ARHGAP17: variants seen among roughly 807,000 people sequenced by gnomAD.
The protein encoded by ARHGAP17 is Rho GTPase activating protein 17.
Under a neutral mutation model 99.5 loss-of-function variants are expected in ARHGAP17, and 57 were observed. The ratio of observed to expected loss-of-function variants is 0.57; its 90% confidence interval spans 0.46 to 0.71. ARHGAP17 has a LOEUF of 0.71. Among genes scored for constraint, ARHGAP17 ranks in the 30% least tolerant of loss-of-function variants. The pLI is 0.00. For synonymous variants in ARHGAP17, 417 were observed against 429.6 expected (o/e 0.97, Z 0.36); for missense variants, 1,000 against 1,122.4 (o/e 0.89, Z 1.56).
intron 7 of ARHGAP17, among the ~76,000 whole-genome samples, chr16:24,961,865 T>TTAGG (rs953564642): frequency 1.3e-4 from 19 of 148,132 alleles, no homozygotes; most frequent in Middle Eastern, 3.5e-3. Context: ...GATTAGGCAA[T>TTAGG]TAGGTACGTA....
At chr16:24,968,533 TCA>T in intron 5 of ARHGAP17, 106 bp from the exon 6 acceptor site, 1 of 1,501,948 alleles carries the variant, frequency 6.7e-7, no homozygotes, top group Non-Finnish European at 9.2e-7. Context: ...TTTTGTACCT[TCA>T]ATTGACTCCC....
chr16:24,961,090 C>T (rs2051982428), intron 7 of ARHGAP17, among the ~76,000 whole-genome samples: 1 of 151,966 alleles, frequency 6.6e-6, no homozygotes, highest in Admixed American at 6.5e-5. Flanking sequence ...TCTCAAACTC[C>T]TGGCCTCAAG....
chr16:24,968,212 G>A, intron 6 of ARHGAP17, 139 bp downstream of exon 6: 1 of 831,910 alleles, frequency 1.2e-6, no homozygotes, highest in East Asian at 2.6e-5. Context: ...AGGCCTATAG[G>A]AGGTGCTGGC....
At chr16:24,968,834 T>A in intron 4 of ARHGAP17, 62 bp from the exon 5 acceptor site, 2 of 1,493,884 alleles carry the variant, frequency 1.3e-6, no homozygotes, top group Non-Finnish European at 1.9e-6. Context: ...TGGATTATCG[T>A]GTGGATCAGT....
At chr16:24,999,052 C>A (rs1175275728) in intron 1 of ARHGAP17, among the ~76,000 whole-genome samples, 2 of 152,208 alleles carry the variant, frequency 1.3e-5, no homozygotes, top group Non-Finnish European at 2.9e-5. Flanking sequence ...CAGGACACAG[C>A]CCCATCCACA....
chr16:24,954,760 C>T (rs371104050), intron 9 of ARHGAP17, 30 bp from the exon 10 acceptor site: 43 of 1,610,010 alleles, frequency 2.7e-5, no homozygotes, highest in Non-Finnish European at 3.5e-5. Context: ...AGTTAGACAC[C>T]CAACAAACTC....
At chr16:24,962,129 T>G (rs1178255258) in intron 7 of ARHGAP17, among the ~76,000 whole-genome samples, 1 of 151,332 alleles carries the variant, frequency 6.6e-6, no homozygotes, top group Non-Finnish European at 1.5e-5. Flanking sequence ...ATTCCTTGAT[T>G]CCCCTCAACC....
At chr16:24,959,792 G>C (rs1567231507) in intron 8 of ARHGAP17, 40 bp from the exon 9 acceptor site, 1 of 1,609,528 alleles carries the variant, frequency 6.2e-7, no homozygotes, top group Admixed American at 1.7e-5. Flanking sequence ...AGTAACGTTA[G>C]CATCGGATGG....
intron 14 of ARHGAP17, among the ~76,000 whole-genome samples, chr16:24,946,330 C>A: frequency 6.6e-6 from 1 of 151,916 alleles, no homozygotes; most frequent in South Asian, 2.1e-4. Flanking sequence ...CACGAAGCCA[C>A]GTGACATGCC....
chr16:24,920,340 A>T, intron 19 of ARHGAP17, 80 bp from the exon 20 acceptor site: 1 of 1,560,560 alleles, frequency 6.4e-7, no homozygotes, highest in Non-Finnish European at 8.7e-7. Flanking sequence ...TGAGAAGAAG[A>T]GAGGCTGGGA....
intron 1 of ARHGAP17, among the ~76,000 whole-genome samples, chr16:25,008,239 C>T (rs1333844175): frequency 2.0e-5 from 3 of 152,088 alleles, no homozygotes; most frequent in African/African-American, 7.2e-5. Context: ...TTGACCTGAA[C>T]TGATATTAAA....
In ARHGAP17 at chr16:24,954,715, T is replaced by C; in HGVS notation, c.740A>G (p.Lys247Arg). Residue 247 changes from lysine to arginine, a missense_variant, in exon 10 of 20, where the codon AAA becomes AGA. Transcript: ENST00000289968. ...MRAHQDKWAE[K>R]PAFGTPLEEH... ...TTCTAGGGGAGTCCCAAAGGCTGGT[T>C]TTTCCGCCCACTTATCTAGAGCAGC... 6.2e-7 allele frequency: 1 copy of C among 1,613,896 alleles called. No individual in the cohort carries two copies. The highest frequency in any genetic ancestry group is 2.2e-5 in the East Asian group (1 of 44,856).
At chr16:24,933,168 T>C (rs2051040914) in intron 18 of ARHGAP17, among the ~76,000 whole-genome samples, 1 of 151,580 alleles carries the variant, frequency 6.6e-6, no homozygotes, top group Non-Finnish European at 1.5e-5. Context: ...CTCCTTCCCC[T>C]ATTCCCCGGC....
At chr16:24,962,605 A>T (rs543372593) in intron 7 of ARHGAP17, among the ~76,000 whole-genome samples, 10 of 152,212 alleles carry the variant, frequency 6.6e-5, no homozygotes, top group Non-Finnish European at 1.2e-4. Context: ...CTCATTCCCA[A>T]TCCCTGATAG....
intron 1 of ARHGAP17, among the ~76,000 whole-genome samples, chr16:24,983,008 T>A (rs1236822120): frequency 0.016 from 1,076 of 66,716 alleles, 26 homozygotes; most frequent in Non-Finnish European, 0.021. Flanking sequence ...TTTTTTTTTT[T>A]TTTTTTTTTT....
chr16:24,987,696 G>A (rs2052915962), intron 1 of ARHGAP17, among the ~76,000 whole-genome samples: 2 of 152,064 alleles, frequency 1.3e-5, no homozygotes, highest in South Asian at 4.2e-4. Flanking sequence ...CTGCCTCTGG[G>A]CTCACAGGGC....
intron 9 of ARHGAP17, chr16:24,954,952 C>A (rs2051762414): frequency 1.9e-6 from 1 of 538,670 alleles, no homozygotes; most frequent in South Asian, 2.7e-5. Flanking sequence ...CCTGAGCGTA[C>A]CTAGATGGCA....
At chr16:24,976,486 A>G (rs2141348434) in intron 3 of ARHGAP17, among the ~76,000 whole-genome samples, 1 of 152,212 alleles carries the variant, frequency 6.6e-6, no homozygotes, top group South Asian at 2.1e-4. Flanking sequence ...CTGTGACTGT[A>G]CTACCACACT....
At chr16:24,968,580 C>T in intron 5 of ARHGAP17, 81 bp downstream of exon 5, 1 of 1,530,850 alleles carries the variant, frequency 6.5e-7, no homozygotes, top group Non-Finnish European at 9.0e-7. Flanking sequence ...TTAAAGCCAG[C>T]AACTACTGTT....
Sources: allele counts gnomAD v4.1 joint callset (sites outside exome capture counted in the v4.1 genomes callset), GRCh38; gene constraint gnomAD v4.1.1; transcripts MANE v1.5; gene names NCBI Gene and HGNC (gene_info 2026-07-23, HGNC 2026-07-21).